The following SRD5A2 variants were observed in gnomAD, a reference collection of about 807,000 sequenced individuals.
The protein encoded by SRD5A2 is 3-oxo-5-alpha-steroid 4-dehydrogenase 2.
A neutral mutation model predicts 27.4 loss-of-function variants in SRD5A2; 30 were observed. The ratio of observed to expected loss-of-function variants is 1.10; its 90% CI spans 0.82 to 1.49. The LOEUF (loss-of-function observed/expected upper bound fraction) is 1.49. SRD5A2 is among the 40% of genes most tolerant of loss of function. The pLI is 0.00. For synonymous variants in SRD5A2, 141 were observed against 133.6 expected (o/e 1.06, Z -0.38); for missense variants, 348 against 323.4 (o/e 1.08, Z -0.58).
At chr2:31,547,893 A>C (rs1450532761) in intron 1 of SRD5A2, among the ~76,000 whole-genome samples, 1 of 152,208 alleles carries the variant, frequency 6.6e-6, no homozygotes, top group African/African-American at 2.4e-5. Context: ...ATATAGATAT[A>C]GTTAGATAGA....
chr2:31,569,273 T>G (rs1204854615), intron 1 of SRD5A2, among the ~76,000 whole-genome samples: 1 of 152,230 alleles, frequency 6.6e-6, no homozygotes, highest in East Asian at 1.9e-4. Context: ...TAACCAGAAA[T>G]GCAATGGCTA....
chr2:31,620,744 C>A, the SRD5A2 span, among the ~76,000 whole-genome samples: 1 of 151,302 alleles, frequency 6.6e-6, no homozygotes, highest in Non-Finnish European at 1.5e-5. Flanking sequence ...TCTTTGAGAA[C>A]TGCCATCTAG....
rs368322725 is a variant in SRD5A2, at chr2:31,532,973, A to G, written c.445+630T>C. On this transcript the variant is annotated intron_variant, in intron 2 of 4. Transcript: ENST00000622030. ...AAGCCTTCTAGGCCAGGCTTGTCCA[A>G]CCCACAGCCTGTGGGCCACATGCAG... is the stretch of plus-strand genomic sequence containing the variant. Among the ~76,000 whole-genome samples, 68 of 152,188 alleles carry G rather than the reference A, an allele frequency of 4.5e-4. 3 individuals carry two copies. The East Asian group carries it at 0.01, about 23-fold the overall frequency.
At chr2:31,556,821 A>C (rs770145186) in intron 1 of SRD5A2, among the ~76,000 whole-genome samples, 10 of 152,234 alleles carry the variant, frequency 6.6e-5, no homozygotes, top group Non-Finnish European at 1.0e-4. Flanking sequence ...GAGTAATATT[A>C]CACTATTGAG....
At chr2:31,546,607 G>A (rs1666266952) in intron 1 of SRD5A2, among the ~76,000 whole-genome samples, 1 of 152,048 alleles carries the variant, frequency 6.6e-6, no homozygotes, top group South Asian at 2.1e-4. Flanking sequence ...TGAACATAAA[G>A]ACAAAAAGAA....
chr2:31,573,277 C>G (rs562987392), intron 1 of SRD5A2, among the ~76,000 whole-genome samples: 3 of 152,222 alleles, frequency 2.0e-5, no homozygotes, highest in African/African-American at 7.2e-5. Flanking sequence ...ACACCCAGAG[C>G]GCAATAAATA....
chr2:31,652,454 A>AG, the SRD5A2 span, among the ~76,000 whole-genome samples: 2 of 152,154 alleles, frequency 1.3e-5, no homozygotes, highest in African/African-American at 2.4e-5. Context: ...TAAAAAAAAA[A>AG]GAAACTTCTA....
the SRD5A2 span, among the ~76,000 whole-genome samples, chr2:31,631,912 G>A: frequency 6.6e-6 from 1 of 152,080 alleles, no homozygotes; most frequent in Non-Finnish European, 1.5e-5. Context: ...CGTGGTAGAA[G>A]GACTAAGGAA....
chr2:31,590,570 A>G, the SRD5A2 span, among the ~76,000 whole-genome samples: 1 of 152,184 alleles, frequency 6.6e-6, no homozygotes, highest in East Asian at 1.9e-4. Flanking sequence ...ACAGAACTGG[A>G]AAAAACTACT....
At chr2:31,573,378 A>G (rs1239396440) in intron 1 of SRD5A2, among the ~76,000 whole-genome samples, 4 of 152,340 alleles carry the variant, frequency 2.6e-5, no homozygotes, top group Middle Eastern at 3.4e-3. Flanking sequence ...TAGAGCTCCT[A>G]TGTTGAGCTG....
At chr2:31,575,661 CA>C (rs1666944767) in intron 1 of SRD5A2, among the ~76,000 whole-genome samples, 1 of 152,210 alleles carries the variant, frequency 6.6e-6, no homozygotes, top group South Asian at 2.1e-4. Context: ...AATGTTTCAG[CA>C]TCTAAACCTC....
At chr2:31,647,048 G>A in the SRD5A2 span, among the ~76,000 whole-genome samples, 2 of 152,086 alleles carry the variant, frequency 1.3e-5, no homozygotes, top group East Asian at 3.9e-4. Context: ...GGCAGGCTGA[G>A]GCAGGAGAAT....
upstream of SRD5A2, among the ~76,000 whole-genome samples, chr2:31,582,983 C>G (rs139851307): frequency 2.6e-5 from 4 of 152,320 alleles, no homozygotes; most frequent in South Asian, 4.1e-4. Flanking sequence ...TTTCTTCCGA[C>G]TCTGCCCACT....
the SRD5A2 span, among the ~76,000 whole-genome samples, chr2:31,588,288 T>C: frequency 1.4e-5 from 2 of 142,128 alleles, no homozygotes; most frequent in Non-Finnish European, 3.0e-5. Context: ...TTAAGCAGAT[T>C]CAACCCAAAA....
chr2:31,591,221 G>A, the SRD5A2 span, among the ~76,000 whole-genome samples: 5 of 152,008 alleles, frequency 3.3e-5, no homozygotes, highest in Non-Finnish European at 7.4e-5. Context: ...ATCTACAATG[G>A]ACTCCAACAA....
the SRD5A2 span, among the ~76,000 whole-genome samples, chr2:31,606,813 A>C: frequency 6.6e-6 from 1 of 151,934 alleles, no homozygotes; most frequent in African/African-American, 2.4e-5. Context: ...CTGCTGTAAC[A>C]AACTGTCACA....
the SRD5A2 span, among the ~76,000 whole-genome samples, chr2:31,659,163 G>A: frequency 1.3e-5 from 2 of 152,006 alleles, no homozygotes; most frequent in African/African-American, 4.8e-5. Context: ...AACAAACTAG[G>A]CATTGAAGGA....
rs146479285 is a variant in SRD5A2 at position 31,574,191 on chromosome 2, A to G, written c.281+6429T>C. Among the ~76,000 whole-genome samples the G allele has an allele frequency of 3.3e-5, 5 of 152,340 alleles. No individual in the cohort carries two copies. In the East Asian group the frequency reaches 9.6e-4, roughly 29 times the overall value. ...GTTGCTGCCACCCAAGTTTCACACC[A>G]GAAAGAGTGAGAAGCACACAATGAA... On this transcript the variant is annotated intron_variant, in intron 1 of 4. Transcript: ENST00000622030.
the SRD5A2 span, among the ~76,000 whole-genome samples, chr2:31,631,261 C>G: frequency 6.6e-6 from 1 of 152,168 alleles, no homozygotes; most frequent in Admixed American, 6.5e-5. Context: ...CACTAGAATC[C>G]AGCAGCCCAG....
Sources: allele counts gnomAD v4.1 joint callset (sites outside exome capture counted in the v4.1 genomes callset), GRCh38; gene constraint gnomAD v4.1.1; transcripts MANE v1.5; gene names NCBI Gene and HGNC (gene_info 2026-07-23, HGNC 2026-07-21).